PLCB1: variants seen among roughly 807,000 people sequenced by gnomAD.
PLCB1 encodes 1-phosphatidylinositol 4,5-bisphosphate phosphodiesterase beta-1.
In PLCB1, 46 loss-of-function variants were observed where a neutral mutation model predicts 161.8. The observed-to-expected ratio is 0.28, with a 90% confidence interval of 0.22 to 0.36. The LOEUF (loss-of-function observed/expected upper bound fraction) is 0.36, where lower values mean the gene tolerates loss of function less well. PLCB1 is among the 10% of genes least tolerant of loss of function. The pLI is 1.00. For synonymous variants in PLCB1, 517 were observed against 503.7 expected (o/e 1.03, Z -0.35); for missense variants, 1,016 against 1,472.5 (o/e 0.69, Z 5.07).
chr20:8,582,091 T>C (rs1293996614), intron 3 of PLCB1, among the ~76,000 whole-genome samples: 1 of 152,110 alleles, frequency 6.6e-6, no homozygotes, highest in Non-Finnish European at 1.5e-5. Flanking sequence ...CCAGAACTGG[T>C]TGTTAAACAT....
chr20:8,383,988 A>T (rs757878081), intron 3 of PLCB1, among the ~76,000 whole-genome samples: 1 of 151,884 alleles, frequency 6.6e-6, no homozygotes, highest in Non-Finnish European at 1.5e-5. Flanking sequence ...AGAATCTGAA[A>T]ATTATGTGTC....
intron 3 of PLCB1, among the ~76,000 whole-genome samples, chr20:8,465,484 C>T (rs576327271): frequency 6.6e-6 from 1 of 152,180 alleles, no homozygotes; most frequent in East Asian, 1.9e-4. Flanking sequence ...TATAAGGGAT[C>T]TCTAGTGAGA....
At chr20:8,327,235 C>A (rs887802521) in intron 2 of PLCB1, among the ~76,000 whole-genome samples, 26 of 152,084 alleles carry the variant, frequency 1.7e-4, no homozygotes, top group Non-Finnish European at 2.9e-5. Context: ...TTAATGTGAC[C>A]CTACTCCATT....
intron 3 of PLCB1, among the ~76,000 whole-genome samples, chr20:8,609,345 G>T (rs1398772135): frequency 6.6e-6 from 1 of 152,190 alleles, no homozygotes; most frequent in African/African-American, 2.4e-5. Context: ...TAGAGCATCA[G>T]AATGAGGAGA....
intron 9 of PLCB1, among the ~76,000 whole-genome samples, chr20:8,684,687 G>A (rs1990316012): frequency 6.6e-6 from 1 of 152,098 alleles, no homozygotes; most frequent in Non-Finnish European, 1.5e-5. Context: ...AAAACAGGAG[G>A]TTGGTGTTTA....
intron 2 of PLCB1, among the ~76,000 whole-genome samples, chr20:8,287,776 C>A (rs1394393860): frequency 6.6e-6 from 1 of 152,114 alleles, no homozygotes; most frequent in Non-Finnish European, 1.5e-5. Flanking sequence ...TGCATTAACG[C>A]CTCCTAAAGC....
chr20:8,651,436 G>A (rs745688333), intron 7 of PLCB1: 35 of 726,540 alleles, frequency 4.8e-5, no homozygotes, highest in East Asian at 3.4e-4. Context: ...ATGAGGCTGC[G>A]AAAAGTGAGC....
At chr20:8,804,711 C>T (rs536276727) in intron 31 of PLCB1, among the ~76,000 whole-genome samples, 304 of 152,068 alleles carry the variant, frequency 2.0e-3, no homozygotes, top group African/African-American at 6.8e-3. Context: ...TACATAAGGC[C>T]GGGCATGGTG....
chr20:8,571,087 C>T (rs192061378), intron 3 of PLCB1, among the ~76,000 whole-genome samples: 2 of 152,272 alleles, frequency 1.3e-5, no homozygotes, highest in East Asian at 3.9e-4. Flanking sequence ...ACTGTGGAGA[C>T]AATGGTTGGA....
intron 3 of PLCB1, among the ~76,000 whole-genome samples, chr20:8,525,504 CTG>C (rs941711963): frequency 3.3e-5 from 5 of 152,144 alleles, no homozygotes; most frequent in African/African-American, 4.8e-5. Context: ...CACTAAAAAA[CTG>C]TACTGAGGGG....
chr20:8,421,321 A>G (rs1388218405), intron 3 of PLCB1, among the ~76,000 whole-genome samples: 1 of 152,362 alleles, frequency 6.6e-6, no homozygotes, highest in Non-Finnish European at 1.5e-5. Flanking sequence ...AGCAAAAATT[A>G]GTACAAAACA....
At chr20:8,258,379 A>G (rs553568372) in intron 2 of PLCB1, among the ~76,000 whole-genome samples, 2 of 152,316 alleles carry the variant, frequency 1.3e-5, no homozygotes, top group African/African-American at 4.8e-5. Context: ...AACAGGCTGT[A>G]TCAGTGCTAT....
At chr20:8,313,593 A>G (rs1984508377) in intron 2 of PLCB1, among the ~76,000 whole-genome samples, 1 of 152,182 alleles carries the variant, frequency 6.6e-6, no homozygotes, top group South Asian at 2.1e-4. Context: ...CACATTGAGA[A>G]AATCTACCTT....
chr20:8,462,036 C>T (rs1408900494), intron 3 of PLCB1, among the ~76,000 whole-genome samples: 1 of 151,524 alleles, frequency 6.6e-6, no homozygotes. Context: ...TTTTCATACC[C>T]TCTGTTTATA....
At position 8,471,449 on chromosome 20, in the gene PLCB1, T is replaced by C. The variant is rs570682479; in HGVS notation, c.246+99999T>C. Reference sequence around the variant, plus strand: ...AGTATATTGCCCTGGAGAGCTCAGATTGTGACAACTGGACAGGTACAAAGA... The same window carrying C: ...AGTATATTGCCCTGGAGAGCTCAGACTGTGACAACTGGACAGGTACAAAGA... On this transcript the variant is annotated intron_variant, in intron 3 of 31. Coordinates refer to ENST00000338037, the MANE Select transcript of PLCB1 (RefSeq NM_015192.4). Among the ~76,000 whole-genome samples, 5 of 152,278 alleles carry C rather than the reference T, an allele frequency of 3.3e-5. No homozygotes were observed. In the South Asian group the frequency reaches 8.3e-4, roughly 25 times the overall value.
chr20:8,195,096 A>G (rs1023562641), intron 2 of PLCB1, among the ~76,000 whole-genome samples: 3 of 152,070 alleles, frequency 2.0e-5, no homozygotes, highest in Admixed American at 6.6e-5. Context: ...CTTTAAGTAG[A>G]AAGTAGAAAT....
intron 2 of PLCB1, among the ~76,000 whole-genome samples, chr20:8,250,901 T>G (rs2123222618): frequency 6.6e-6 from 1 of 152,112 alleles, no homozygotes; most frequent in East Asian, 1.9e-4. Context: ...ACAGGAGTGA[T>G]ACAAACAAAA....
At chr20:8,610,195 A>T (rs551780867) in intron 3 of PLCB1, among the ~76,000 whole-genome samples, 1 of 152,322 alleles carries the variant, frequency 6.6e-6, no homozygotes, top group East Asian at 1.9e-4. Context: ...TGCTTGTGAA[A>T]GTAATGGCCA....
intron 15 of PLCB1, among the ~76,000 whole-genome samples, 172 bp from the exon 16 acceptor site, chr20:8,724,484 A>G (rs1356417042): frequency 6.6e-6 from 1 of 152,080 alleles, no homozygotes; most frequent in Non-Finnish European, 1.5e-5. Context: ...TCCCTTTTAT[A>G]AAATGAGGTG....
Sources: gnomAD v4.1 joint callset for allele counts (sites outside exome capture counted in the v4.1 genomes callset) on GRCh38, gnomAD v4.1.1 for gene constraint, MANE v1.5 for transcripts, NCBI Gene and HGNC (gene_info 2026-07-23, HGNC 2026-07-21) for gene names.